The following TENM3 variants were observed in gnomAD, a reference collection of about 807,000 sequenced individuals.
The protein encoded by TENM3 is teneurin-3.
A neutral mutation model predicts 255.1 loss-of-function variants in TENM3; 63 were observed. The ratio of observed to expected loss-of-function variants is 0.25; its 90% CI spans 0.20 to 0.30. The LOEUF is 0.30. TENM3 is among the 10% of genes least tolerant of loss of function. The pLI is 1.00. For synonymous variants in TENM3, 1,306 were observed against 1,322.3 expected (o/e 0.99, Z 0.27); for missense variants, 2,929 against 3,461.1 (o/e 0.85, Z 3.86).
chr4:182,733,564 C>T (rs1030387671), intron 16 of TENM3, among the ~76,000 whole-genome samples: 2 of 146,696 alleles, frequency 1.4e-5, no homozygotes, highest in Non-Finnish European at 3.1e-5. Context: ...GAGGTTGAAA[C>T]TAAAGAGGTA....
At chr4:181,670,534 T>C in the TENM3 span, among the ~76,000 whole-genome samples, 4 of 152,206 alleles carry the variant, frequency 2.6e-5, no homozygotes, top group African/African-American at 9.6e-5. Flanking sequence ...AATTCACCCA[T>C]ATATGTGATC....
In TENM3 at chr4:182,346,867, G is replaced by A; in HGVS notation, c.449G>A (p.Arg150Gln). The change falls in exon 3 of 28, where the codon CGG becomes CAG. Residue 150 changes from arginine (R) to glutamine (Q), a missense_variant. By Grantham distance (43) the Arg-to-Gln change is conservative. Transcript: ENST00000511685. Reference sequence around the variant, plus strand: ...GGCCGCAGCTCCTGCCTGTCAAGTCGGTCCAACTCAGCCCTCACCCTGACA... The same window carrying A: ...GGCCGCAGCTCCTGCCTGTCAAGTCAGTCCAACTCAGCCCTCACCCTGACA... Reference protein sequence around the residue: ...KSGRSSCLSSRSNSALTLTDT... With the variant: ...KSGRSSCLSSQSNSALTLTDT... The A allele has an allele frequency of 6.2e-7, 1 of 1,613,364 alleles. No individual in the cohort carries two copies. Among genetic ancestry groups the A allele is most frequent in the Non-Finnish European group, 8.5e-7 (1 of 1,179,652 alleles).
rs1172802009 is a variant in TENM3 at position 182,324,050 on chromosome 4, C to T, written c.30C>T (p.Cys10=). MDVKERRPY[C]SLTKSRREKE... is the part of the protein sequence containing the mutation. ...ATGTGAAAGAACGCAGGCCTTACTG[C>T]TCCCTGACCAAGAGCAGACGAGAGA... Residue 10 remains cysteine (C), a synonymous_variant, in exon 2 of 28, where the codon TGC becomes TGT. Coordinates refer to ENST00000511685, the MANE Select transcript of TENM3 (RefSeq NM_001080477.4). 6 of 1,613,994 alleles carry T rather than the reference C, an allele frequency of 3.7e-6. No homozygotes were observed. The highest frequency in any genetic ancestry group is 5.1e-6 in the Non-Finnish European group (6 of 1,179,892).
At chr4:182,604,582 G>A (rs1748235581) in intron 4 of TENM3, among the ~76,000 whole-genome samples, 1 of 152,160 alleles carries the variant, frequency 6.6e-6, no homozygotes, top group African/African-American at 2.4e-5. Flanking sequence ...GCACTTAAAG[G>A]TATGGTACAG....
At chr4:182,636,210 C>T (rs1178252467) in intron 5 of TENM3, among the ~76,000 whole-genome samples, 1 of 151,878 alleles carries the variant, frequency 6.6e-6, no homozygotes, top group Non-Finnish European at 1.5e-5. Context: ...AAATGTGTTG[C>T]CTATATTTTA....
At chr4:182,038,574 G>A in the TENM3 span, among the ~76,000 whole-genome samples, 2 of 152,126 alleles carry the variant, frequency 1.3e-5, no homozygotes, top group African/African-American at 2.4e-5. Flanking sequence ...TGCACTTAAA[G>A]CATCTGGCAC....
chr4:181,553,318 G>A, the TENM3 span, among the ~76,000 whole-genome samples: 2 of 91,848 alleles, frequency 2.2e-5, no homozygotes, highest in African/African-American at 4.6e-5. Context: ...GTATGTGTAT[G>A]CGTATATATA....
At chr4:181,557,579 T>C in the TENM3 span, among the ~76,000 whole-genome samples, 1 of 152,178 alleles carries the variant, frequency 6.6e-6, no homozygotes, top group Non-Finnish European at 1.5e-5. Context: ...CAGGTTGGAG[T>C]GCAGTGACGC....
intron 3 of TENM3, among the ~76,000 whole-genome samples, chr4:182,418,910 A>G (rs1006082759): frequency 1.3e-5 from 2 of 152,200 alleles, no homozygotes; most frequent in African/African-American, 2.4e-5. Flanking sequence ...GGCCAAGGAC[A>G]GTGCCATACC....
At chr4:182,181,108 A>G (rs1752813280) in intron 1 of TENM3, among the ~76,000 whole-genome samples, 1 of 152,086 alleles carries the variant, frequency 6.6e-6, no homozygotes, top group Non-Finnish European at 1.5e-5. Context: ...TGTTAAAACA[A>G]ATCAAAACGC....
intron 7 of TENM3, 127 bp from the exon 8 acceptor site, chr4:182,679,539 C>A: frequency 1.4e-6 from 1 of 718,946 alleles, no homozygotes; most frequent in Non-Finnish European, 2.3e-6. Flanking sequence ...ACCATTTGGA[C>A]CTGTCAGGAA....
chr4:182,120,907 T>C, the TENM3 span, among the ~76,000 whole-genome samples: 1 of 152,164 alleles, frequency 6.6e-6, no homozygotes, highest in South Asian at 2.1e-4. Flanking sequence ...TAAGATATTA[T>C]AGGACCATGG....
At chr4:181,527,839 T>C in the TENM3 span, among the ~76,000 whole-genome samples, 50 of 152,088 alleles carry the variant, frequency 3.3e-4, no homozygotes, top group African/African-American at 1.2e-3. Flanking sequence ...TGTACACACA[T>C]TTGACATTTT....
intron 1 of TENM3, among the ~76,000 whole-genome samples, chr4:182,213,725 C>T (rs1755210947): frequency 1.3e-5 from 2 of 152,148 alleles, no homozygotes; most frequent in African/African-American, 4.8e-5. Flanking sequence ...AACCCCACTA[C>T]GATAATAGAA....
the TENM3 span, among the ~76,000 whole-genome samples, chr4:181,685,131 A>C: frequency 6.6e-6 from 1 of 152,090 alleles, no homozygotes; most frequent in South Asian, 2.1e-4. Context: ...GGAGTCAATT[A>C]AGTGTGCAGA....
At chr4:181,493,203 G>C in the TENM3 span, among the ~76,000 whole-genome samples, 5 of 151,272 alleles carry the variant, frequency 3.3e-5, no homozygotes, top group African/African-American at 1.2e-4. Flanking sequence ...GGCTAAGGCA[G>C]GTGGATCACT....
chr4:182,406,291 C>T (rs780748452), intron 3 of TENM3, among the ~76,000 whole-genome samples: 10 of 151,166 alleles, frequency 6.6e-5, no homozygotes, highest in African/African-American at 2.2e-4. Flanking sequence ...GGCCACAGAG[C>T]GAGACTCCAT....
the TENM3 span, among the ~76,000 whole-genome samples, chr4:181,723,327 G>A: frequency 2.0e-5 from 3 of 150,552 alleles, no homozygotes; most frequent in South Asian, 6.4e-4. Context: ...ATCTTCCTTT[G>A]ATTCTTGATG....
At chr4:181,575,732 A>G in the TENM3 span, among the ~76,000 whole-genome samples, 1 of 152,176 alleles carries the variant, frequency 6.6e-6, no homozygotes, top group Non-Finnish European at 1.5e-5. Flanking sequence ...TTTGGGGTTC[A>G]ACTCCTTTTT....
Sources: allele counts gnomAD v4.1 joint callset (sites outside exome capture counted in the v4.1 genomes callset), GRCh38; gene constraint gnomAD v4.1.1; transcripts MANE v1.5; gene names NCBI Gene and HGNC (gene_info 2026-07-23, HGNC 2026-07-21).